MAD2L2: variants seen among roughly 807,000 people sequenced by gnomAD.
MAD2L2 encodes mitotic arrest deficient 2 like 2, also known as mitotic spindle assembly checkpoint protein MAD2B.
Under a neutral mutation model 30.5 loss-of-function variants are expected in MAD2L2, and 17 were observed. The observed-to-expected ratio is 0.56, with a 90% CI of 0.38 to 0.84. The LOEUF is 0.84. Among genes scored for constraint, MAD2L2 ranks in the 40% least tolerant of loss-of-function variants. The pLI, the probability that MAD2L2 is intolerant of heterozygous loss-of-function variation, is 0.00. For synonymous variants in MAD2L2, 101 were observed against 113.9 expected (o/e 0.89, Z 0.72); for missense variants, 213 against 277.4 (o/e 0.77, Z 1.65).
Position 11,688,844 on chromosome 1 carries a change from TA to T in MAD2L2, c.-692+2568del, listed in dbSNP as rs1186424777. Reference sequence around the variant, plus strand: ...ATACAGGTCATAAAGACCTTGCTGATAAAACAGTTTGCAGTAAGGAAGCCTG... The same window carrying T: ...ATACAGGTCATAAAGACCTTGCTGATAAACAGTTTGCAGTAAGGAAGCCTG... On this transcript the variant is annotated intron_variant, in intron 1 of 10. Transcript: ENST00000235310. The surrounding 1 kb of genome is among the most constrained non-coding windows in gnomAD (Gnocchi z 4.6). Among the ~76,000 whole-genome samples the T allele has an allele frequency of 6.6e-6, 1 of 152,076 alleles. No homozygotes were observed. The highest frequency in any genetic ancestry group is 1.5e-5 in the Non-Finnish European group (1 of 68,012).
upstream of MAD2L2, among the ~76,000 whole-genome samples, chr1:11,684,455 G>GT: frequency 6.6e-6 from 1 of 152,250 alleles, no homozygotes; most frequent in Non-Finnish European, 1.5e-5. Flanking sequence ...GGGAGCAAGA[G>GT]TTTATTTGCC....
upstream of MAD2L2, among the ~76,000 whole-genome samples, chr1:11,684,460 T>A (rs1416744189): frequency 6.6e-6 from 1 of 152,084 alleles, no homozygotes; most frequent in Non-Finnish European, 1.5e-5. Context: ...CAAGAGTTTA[T>A]TTGCCAACTA....
chr1:11,680,329 CTG>C (rs1178971024), intron 3 of MAD2L2, 22 bp downstream of exon 3: 15 of 1,590,866 alleles, frequency 9.4e-6, no homozygotes, highest in African/African-American at 4.0e-5. Flanking sequence ...TGTACCCACT[CTG>C]TGGTTCTGGG....
In MAD2L2 at chr1:11,690,983, C is replaced by A. The variant is rs1216787229; in HGVS notation, c.-692+430G>T. 2.6e-5 allele frequency among the ~76,000 whole-genome samples: 4 copies of A among 152,072 alleles called. No homozygotes were observed. ...GTGTATTGGGGCGGTTGTCTTTCTCCCTTCCCTACCGGGAAAGAGGGCACA... is the reference window on the plus strand; with the variant it reads ...GTGTATTGGGGCGGTTGTCTTTCTCACTTCCCTACCGGGAAAGAGGGCACA... On this transcript the variant is annotated intron_variant, in intron 1 of 10. Transcript: ENST00000235310. The surrounding 1 kb of genome is among the most constrained non-coding windows in gnomAD (Gnocchi z 4.2).
At chr1:11,691,591 C>G (rs995370552) in exon 1 of MAD2L2, 1 of 151,312 alleles carries the variant, frequency 6.6e-6, no homozygotes, top group South Asian at 2.1e-4. Flanking sequence ...GCGCCGGGCC[C>G]GGCCCCGGGG....
rs1570282929 is a variant in MAD2L2 at position 11,674,768 on chromosome 1, T to C, written c.*7A>G. Reference sequence around the variant, plus strand: ...GTTTGGGCATCAGTGGGGTGGCAGGTGCCCCCTCAGCTGCCTTTATGAGCG... The same window carrying C: ...GTTTGGGCATCAGTGGGGTGGCAGGCGCCCCCTCAGCTGCCTTTATGAGCG... On this transcript the variant is annotated 3_prime_UTR_variant, in exon 9 of 9. Transcript: ENST00000376692. The surrounding 1 kb of genome is among the most constrained non-coding windows in gnomAD (Gnocchi z 6.1). 6.2e-7 allele frequency: 1 copy of C among 1,613,456 alleles called. No individual in the cohort carries two copies.
chr1:11,684,476 G>A (rs933793911), upstream of MAD2L2, among the ~76,000 whole-genome samples: 3 of 152,156 alleles, frequency 2.0e-5, no homozygotes, highest in Non-Finnish European at 2.9e-5. Flanking sequence ...AACTAGAGCA[G>A]GTCCCTGAGG....
rs2233025 is a variant in MAD2L2 at position 11,675,595 on chromosome 1, G to A, written c.501+63C>T. On this transcript the variant is annotated intron_variant, in intron 7 of 8. Coordinates refer to ENST00000376692, the MANE Select transcript of MAD2L2 (RefSeq NM_006341.4). Reference sequence around the variant, plus strand: ...CTGGCCACAGGCAGTGCCCCTGCCCGCCTGGAACTGCGACATCACGTTTCT... The same window carrying A: ...CTGGCCACAGGCAGTGCCCCTGCCCACCTGGAACTGCGACATCACGTTTCT... 0.18 allele frequency: 279,762 copies of A among 1,526,304 alleles called. 27,684 individuals are homozygous for A. Among genetic ancestry groups the A allele is most frequent in the Admixed American group, 0.26 (15,429 of 59,806 alleles). The allele number at this position is 1,526,304 out of a possible 1,614,324, so 94.5% of individuals were successfully genotyped here. A position where few individuals can be genotyped will look rare whatever the true frequency, so the allele number is the denominator to read the frequency against.
At chr1:11,691,192 A>T (rs1326944987) in intron 1 of MAD2L2, among the ~76,000 whole-genome samples, 1 of 146,282 alleles carries the variant, frequency 6.8e-6, no homozygotes, top group Non-Finnish European at 1.5e-5. Context: ...CCCTTTTGAC[A>T]GTCTAGGCGG....
chr1:11,686,926 G>A (rs916336012), intron 1 of MAD2L2, among the ~76,000 whole-genome samples: 9 of 151,286 alleles, frequency 5.9e-5, no homozygotes, highest in African/African-American at 1.9e-4. Context: ...GTTGTACATC[G>A]CTACTCTCTA....
intron 4 of MAD2L2, chr1:11,677,246 G>A (rs948078750): frequency 1.2e-5 from 7 of 597,566 alleles, no homozygotes; most frequent in South Asian, 4.3e-5. Flanking sequence ...AACGTTTAGC[G>A]TGGAGAACAG....
In MAD2L2 at chr1:11,690,161, C is replaced by CAT. The variant is rs776338421; in HGVS notation, c.-692+1251_-692+1252insAT. Among the ~76,000 whole-genome samples, 6 of 151,988 alleles carry CAT rather than the reference C, an allele frequency of 3.9e-5. No individual in the cohort carries two copies. Among genetic ancestry groups the CAT allele is most frequent in the Admixed American group, 6.6e-5 (1 of 15,262 alleles). On this transcript the variant is annotated intron_variant, in intron 1 of 10. Coordinates refer to the MAD2L2 transcript ENST00000235310. This position sits in a 1 kb window ranked among gnomAD's most constrained non-coding sequence, Gnocchi z 4.2. ...CTGACATCATTTATATTTATTTGTTCACTTATCTTCTGTCTCCTTCACTAG... is the reference window on the plus strand; with the variant it reads ...CTGACATCATTTATATTTATTTGTTCATACTTATCTTCTGTCTCCTTCACTAG...
rs1352098857 is a variant in MAD2L2 at position 11,674,634 on chromosome 1, A to G, written c.*141T>C. 4.7e-6 allele frequency: 4 copies of G among 842,432 alleles called. No individual in the cohort carries two copies. The highest frequency in any genetic ancestry group is 7.7e-6 in the Non-Finnish European group (4 of 520,398). The allele number at this position is 842,432 out of a possible 1,614,324, so 52.2% of individuals were successfully genotyped here. A position where few individuals can be genotyped will look rare whatever the true frequency, so the allele number is the denominator to read the frequency against. On this transcript the variant is annotated 3_prime_UTR_variant, in exon 9 of 9. Transcript: ENST00000376692. The surrounding 1 kb of genome is among the most constrained non-coding windows in gnomAD (Gnocchi z 6.1). ...GGGAGGCATCCTCCAAGCAGACCTG[A>G]GCGGCCCCGGGCTGGGGCGGGCGAT...
intron 3 of MAD2L2, among the ~76,000 whole-genome samples, chr1:11,678,096 T>C (rs1640803652): frequency 6.9e-6 from 1 of 145,778 alleles, no homozygotes; most frequent in Admixed American, 6.9e-5. Context: ...AACTGTGAAC[T>C]TATCCATAGA....
chr1:11,678,159 A>T (rs1458911578), intron 3 of MAD2L2, among the ~76,000 whole-genome samples: 1 of 151,864 alleles, frequency 6.6e-6, no homozygotes, highest in Non-Finnish European at 1.5e-5. Flanking sequence ...TCACTCCTCT[A>T]ATCCCAGCAC....
At position 11,675,164 on chromosome 1, in the gene MAD2L2, CA is replaced by C; in HGVS notation, c.511del (p.Trp171GlyfsTer16). 1 of 1,597,148 alleles carries C rather than the reference CA, an allele frequency of 6.3e-7. No individual in the cohort carries two copies. The highest frequency in any genetic ancestry group is 8.5e-7 in the Non-Finnish European group (1 of 1,170,950). ...GACATCCTGCTCATCCGCCAGGATC[CA>C]GGGGAAATCCTAGGGAGGAGACAAA... ...EKIQVIKDFP[W>X]ILADEQDVHM... On this transcript the variant is annotated frameshift_variant, in exon 8 of 9. Coordinates refer to ENST00000376692, the MANE Select transcript of MAD2L2 (RefSeq NM_006341.4). LOFTEE classifies it high-confidence loss of function.
upstream of MAD2L2, among the ~76,000 whole-genome samples, chr1:11,682,734 G>C (rs1341451101): frequency 3.3e-5 from 5 of 151,996 alleles, no homozygotes; most frequent in Admixed American, 6.6e-5. Context: ...ACAGAGGTTT[G>C]GACTGTTCCC....
chr1:11,691,084 C>T (rs1641053951), intron 1 of MAD2L2, among the ~76,000 whole-genome samples: 1 of 152,228 alleles, frequency 6.6e-6, no homozygotes, highest in Non-Finnish European at 1.5e-5. Context: ...GGAGCGACCT[C>T]TCGGAGAACC....
upstream of MAD2L2, among the ~76,000 whole-genome samples, chr1:11,683,683 G>T (rs554715832): frequency 3.9e-5 from 6 of 152,022 alleles, no homozygotes; most frequent in African/African-American, 1.4e-4. Flanking sequence ...AAAAAAAAAC[G>T]TCAGCTGGGC....
Sources: gnomAD v4.1 joint callset for allele counts (sites outside exome capture counted in the v4.1 genomes callset) on GRCh38, gnomAD v4.1.1 for gene constraint, Gnocchi (gnomAD v3.1) non-coding constraint, MANE v1.5 for transcripts, NCBI Gene and HGNC (gene_info 2026-07-23, HGNC 2026-07-21) for gene names.